The following KPNA2 variants were observed in gnomAD, a reference collection of about 807,000 sequenced individuals.
KPNA2 encodes importin subunit alpha-1.
A neutral mutation model predicts 53.7 loss-of-function variants in KPNA2; 20 were observed. The observed-to-expected ratio is 0.37, with a 90% CI of 0.26 to 0.54. The LOEUF is 0.54. Ranked by LOEUF, KPNA2 falls within the 20% of genes least tolerant of loss-of-function variation. The pLI is 0.83. For missense variants in KPNA2, 515 were observed against 640.3 expected, an observed-to-expected ratio of 0.80 and a Z score of 2.11; for synonymous variants, 238 against 227.5, an observed-to-expected ratio of 1.05 and a Z score of -0.42.
rs1470902792 is a variant in KPNA2 at position 68,043,363 on chromosome 17, G to C, written c.930G>C (p.Val310=). ...KLLGASELPI[V]TPALRAIGNI... is the part of the protein sequence containing the mutation. ...TAGGAGCTTCTGAATTGCCAATTGT[G>C]GTAAGTTATTTACTTGTAGATTAGG... The change falls in exon 7 of 11, where the codon GTG becomes GTC. Residue 310 remains valine (V), a splice_region_variant and synonymous_variant. Transcript: ENST00000330459. The C allele has an allele frequency of 6.2e-7, 1 of 1,613,746 alleles. No individual in the cohort carries two copies. Among genetic ancestry groups the C allele is most frequent in the Non-Finnish European group, 8.5e-7 (1 of 1,179,848 alleles).
At chr17:68,037,953 C>T (rs2071210019) in intron 3 of KPNA2, among the ~76,000 whole-genome samples, 1 of 152,056 alleles carries the variant, frequency 6.6e-6, no homozygotes, top group African/African-American at 2.4e-5. Context: ...TGCGCATCAC[C>T]ACGCTTGGCT....
At position 68,042,209 on chromosome 17, in the gene KPNA2, G is replaced by A; in HGVS notation, c.427G>A (p.Ala143Thr). 9 of 1,614,006 alleles carry A rather than the reference G, an allele frequency of 5.6e-6. No individual in the cohort carries two copies. The highest frequency in any genetic ancestry group is 7.6e-6 in the Non-Finnish European group (9 of 1,179,936). The change falls in exon 5 of 11, where the codon GCA becomes ACA. Residue 143 changes from alanine to threonine, a missense_variant. Transcript: ENST00000330459. ...CSPIQFESAW[A>T]LTNIASGTSE... ...TCCCATTCAGTTTGAATCTGCTTGG[G>A]CACTCACTAACATTGCTTCTGGGAC... is the stretch of plus-strand genomic sequence containing the variant.
At chr17:68,038,262 A>ACT (rs1203225101) in intron 3 of KPNA2, among the ~76,000 whole-genome samples, 3 of 152,196 alleles carry the variant, frequency 2.0e-5, no homozygotes, top group African/African-American at 7.2e-5. Context: ...GGCGTGAGCC[A>ACT]CTGCCCGGCC....
intron 3 of KPNA2, among the ~76,000 whole-genome samples, chr17:68,040,417 G>A (rs1555704369): frequency 6.6e-6 from 1 of 151,960 alleles, no homozygotes; most frequent in Non-Finnish European, 1.5e-5. Flanking sequence ...TTTTAAAATT[G>A]TTCAAAGCTG....
Position 68,043,129 on chromosome 17 carries a change from A to G in KPNA2, c.696A>G (p.Thr232=). The change falls in exon 7 of 11, where the codon ACA becomes ACG. Residue 232 remains threonine, a synonymous_variant. Transcript: ENST00000330459. ...GCTACTTACGTAATCTTACCTGGAC[A>G]CTTTCTAATCTTTGCCGCAACAAGA... ...ACGYLRNLTW[T]LSNLCRNKNP... 1.9e-6 allele frequency: 3 copies of G among 1,614,018 alleles called. No individual in the cohort carries two copies. The highest frequency in any genetic ancestry group is 2.5e-6 in the Non-Finnish European group (3 of 1,180,002).
rs782131036 is a variant in KPNA2, at chr17:68,044,315, T to G, written c.1165-6T>G. 6 of 1,607,128 alleles carry G rather than the reference T, an allele frequency of 3.7e-6. No homozygotes were observed. The African/African-American group carries it at 8.0e-5, about 22-fold the overall frequency. Reference sequence around the variant, plus strand: ...TGAAATAAAACCATTTCCTTATGTTTAATAGGCAGATTTTAAGACACAAAA... The same window carrying G: ...TGAAATAAAACCATTTCCTTATGTTGAATAGGCAGATTTTAAGACACAAAA... On this transcript the variant is annotated splice_region_variant and splice_polypyrimidine_tract_variant and intron_variant, in intron 8 of 10. Transcript: ENST00000330459.
intron 6 of KPNA2, 28 bp from the exon 7 acceptor site, chr17:68,043,072 C>T (rs1272000532): frequency 3.7e-6 from 6 of 1,613,130 alleles, no homozygotes; most frequent in Middle Eastern, 1.6e-4. Context: ...AAGACAGAAC[C>T]TCTCATTGCC....
At chr17:68,039,671 T>A (rs1555704240) in intron 3 of KPNA2, among the ~76,000 whole-genome samples, 1 of 150,794 alleles carries the variant, frequency 6.6e-6, no homozygotes, top group Non-Finnish European at 1.5e-5. Context: ...TCCCAGCTAC[T>A]CAGGAGGCTG....
rs1802813 is a variant in KPNA2, at chr17:68,042,280, A to T, written c.498A>T (p.Ala166=). 666 of 1,614,204 alleles carry T rather than the reference A, an allele frequency of 4.1e-4. 5 individuals carry two copies. The African/African-American group carries it at 8.1e-3, about 20-fold the overall frequency. ...TGGTAGATGGAGGTGCCATCCCAGC[A>T]TTCATTTCTCTGTTGGCATCTCCCC... ...KAVVDGGAIP[A]FISLLASPHA... The change falls in exon 5 of 11, where the codon GCA becomes GCT. Residue 166 remains alanine, a synonymous_variant. Transcript: ENST00000330459.
chr17:68,043,121 A>C lies in KPNA2; in HGVS notation c.688A>C (p.Thr230Pro). The C allele has an allele frequency of 6.2e-7, 1 of 1,613,962 alleles. No homozygotes were observed. Among genetic ancestry groups the C allele is most frequent in the South Asian group, 1.1e-5 (1 of 91,066 alleles). The change falls in exon 7 of 11, where the codon ACC becomes CCC. Residue 230 changes from threonine (T) to proline (P), a missense_variant. Transcript: ENST00000330459. ...CCAGTGTGGCTACTTACGTAATCTT[A>C]CCTGGACACTTTCTAATCTTTGCCG... The part of the protein sequence containing the change: ...SLACGYLRNL[T>P]WTLSNLCRNK...
At chr17:68,037,583 T>G in intron 3 of KPNA2, 88 bp downstream of exon 3, 1 of 1,295,832 alleles carries the variant, frequency 7.7e-7, no homozygotes, top group Non-Finnish European at 1.1e-6. Context: ...ACTTAACATT[T>G]CTAGTCTTAA....
At chr17:68,045,419 T>C (rs2071316876) in intron 9 of KPNA2, 3 of 172,618 alleles carry the variant, frequency 1.7e-5, no homozygotes, top group Admixed American at 1.2e-4. Context: ...TGTGATGACA[T>C]AGGATGCTTT....
intron 3 of KPNA2, among the ~76,000 whole-genome samples, chr17:68,038,112 G>A (rs1278858484): frequency 2.6e-5 from 4 of 152,176 alleles, no homozygotes; most frequent in Non-Finnish European, 5.9e-5. Flanking sequence ...AAGTAGCTGG[G>A]ACTACAGGCG....
In KPNA2 at chr17:68,046,593, T is replaced by C. The variant is rs1555705449; in HGVS notation, c.1587T>C (p.Phe529=). ...VQDGAPGTFN[F] ...ATGGGGCTCCTGGGACCTTTAACTT[T>C]TAGATCATGTAGCTGAGACATAAAT... The change falls in exon 11 of 11, where the codon TTT becomes TTC. Residue 529 remains phenylalanine (F), a synonymous_variant. Coordinates refer to ENST00000330459, the MANE Select transcript of KPNA2 (RefSeq NM_002266.4). 2 of 1,583,188 alleles carry C rather than the reference T, an allele frequency of 1.3e-6. No individual in the cohort carries two copies. Among genetic ancestry groups the C allele is most frequent in the Middle Eastern group, 1.7e-4 (1 of 6,012 alleles).
At chr17:68,044,750 A>G (rs2071308746) in intron 9 of KPNA2, among the ~76,000 whole-genome samples, 1 of 152,132 alleles carries the variant, frequency 6.6e-6, no homozygotes, top group African/African-American at 2.4e-5. Context: ...ACACCTGTTT[A>G]CTTGGTTGAT....
chr17:68,042,369 G>C lies in KPNA2; in HGVS notation c.571+16G>C. 1 of 1,612,180 alleles carries C rather than the reference G, an allele frequency of 6.2e-7. No individual in the cohort carries two copies. Among genetic ancestry groups the C allele is most frequent in the Non-Finnish European group, 8.5e-7 (1 of 1,178,612 alleles). ...AACATTGCAGGTACTTGGACTTGAA[G>C]TTCTTTTGACTGAATGTATCTAATC... On this transcript the variant is annotated intron_variant, in intron 5 of 10. Transcript: ENST00000330459.
At chr17:68,037,705 C>T (rs1267201209) in intron 3 of KPNA2, among the ~76,000 whole-genome samples, 1 of 152,184 alleles carries the variant, frequency 6.6e-6, no homozygotes, top group Non-Finnish European at 1.5e-5. Flanking sequence ...TTAGCTCTGA[C>T]CTTCCTTCAG....
intron 3 of KPNA2, 84 bp downstream of exon 3, chr17:68,037,579 C>A: frequency 7.7e-7 from 1 of 1,297,004 alleles, no homozygotes; most frequent in Non-Finnish European, 1.1e-6. Flanking sequence ...GTAAACTTAA[C>A]ATTTCTAGTC....
Position 68,043,820 on chromosome 17 carries a change from A to AT in KPNA2, c.931-17dup. ...TGGGGAAAAAATAACCAGCATCAAC[A>AT]TATTTTTTTTTTTTCAGACTCCTGC... On this transcript the variant is annotated splice_polypyrimidine_tract_variant and intron_variant, in intron 7 of 10. Coordinates refer to ENST00000330459, the MANE Select transcript of KPNA2 (RefSeq NM_002266.4). The AT allele has an allele frequency of 2.1e-6, 3 of 1,423,422 alleles. No homozygotes were observed. Among genetic ancestry groups the AT allele is most frequent in the Non-Finnish European group, 3.0e-6 (3 of 1,008,812 alleles). 88.2% of individuals were successfully genotyped at this position (1,423,422 alleles called of 1,614,324 possible).
Sources: gnomAD v4.1 joint callset for allele counts (sites outside exome capture counted in the v4.1 genomes callset) on GRCh38, gnomAD v4.1.1 for gene constraint, MANE v1.5 for transcripts, NCBI Gene and HGNC (gene_info 2026-07-23, HGNC 2026-07-21) for gene names.